PSMA1: variants seen among roughly 807,000 people sequenced by gnomAD.
The protein encoded by PSMA1 is proteasome subunit alpha type-1.
Under a neutral mutation model 38.4 loss-of-function variants are expected in PSMA1, and 3 were observed. The ratio of observed to expected loss-of-function variants is 0.08; its 90% confidence interval spans 0.04 to 0.20. The LOEUF (loss-of-function observed/expected upper bound fraction) is 0.20, where lower values mean the gene tolerates loss of function less well. PSMA1 is among the 10% of genes least tolerant of loss of function. The pLI, the probability that PSMA1 is intolerant of heterozygous loss-of-function variation, is 1.00. For missense variants in PSMA1, 227 were observed against 325.3 expected (o/e 0.70, Z 2.32); for synonymous variants, 101 against 107.1 (o/e 0.94, Z 0.35).
chr11:14,610,592 T>C (rs1852697747), intron 2 of PSMA1, among the ~76,000 whole-genome samples: 2 of 152,220 alleles, frequency 1.3e-5, no homozygotes, highest in South Asian at 2.1e-4. Context: ...TCACAAGCCT[T>C]GAGTGGCATT....
At chr11:14,574,121 C>T (rs889500437) in intron 2 of PSMA1, among the ~76,000 whole-genome samples, 3 of 152,104 alleles carry the variant, frequency 2.0e-5, no homozygotes, top group African/African-American at 7.2e-5. Flanking sequence ...AAAAGAAACA[C>T]CCATTTTCAG....
chr11:14,563,155 G>A lies in PSMA1; in HGVS notation c.22-44114C>T, dbSNP rs143190718. On this transcript the variant is annotated intron_variant, in intron 2 of 10. Transcript: ENST00000418988. ...ATTTGGAGATGGGATTGCTTTTTAC[G>A]CTTTTATTCCTGGCTATTGATTGTA... is the stretch of plus-strand genomic sequence containing the variant. Among the ~76,000 whole-genome samples, 177 of 152,186 alleles carry A rather than the reference G, an allele frequency of 1.2e-3. 1 individual carries two copies. Among genetic ancestry groups the A allele is most frequent in the African/African-American group, 4.1e-3 (170 of 41,544 alleles).
chr11:14,530,392 C>G (rs372987397), intron 2 of PSMA1, among the ~76,000 whole-genome samples: 2 of 152,170 alleles, frequency 1.3e-5, no homozygotes, highest in African/African-American at 4.8e-5. Flanking sequence ...TTATAAAATA[C>G]GAGAATATTG....
intron 7 of PSMA1, among the ~76,000 whole-genome samples, chr11:14,512,945 T>C (rs561444028): frequency 6.6e-6 from 1 of 152,352 alleles, no homozygotes; most frequent in African/African-American, 2.4e-5. Context: ...CAAGTTTGCT[T>C]TGAGTAATGT....
rs541055307 is a variant in PSMA1 at position 14,603,007 on chromosome 11, A to C, written c.21+7959T>G. On this transcript the variant is annotated intron_variant, in intron 2 of 10. Transcript: ENST00000418988. The stretch of plus-strand genomic sequence containing the variant: ...GTGGGGGTTTGATGTGGGGGCTTCC[A>C]ATGTACCCATGAAAGCAACTGTGAG... 5.9e-5 allele frequency among the ~76,000 whole-genome samples: 9 copies of C among 152,338 alleles called. No individual in the cohort carries two copies. In the South Asian group the frequency reaches 1.7e-3, roughly 28 times the overall value.
intron 2 of PSMA1, among the ~76,000 whole-genome samples, chr11:14,536,763 C>T (rs1344871526): frequency 6.6e-6 from 1 of 152,040 alleles, no homozygotes; most frequent in Non-Finnish European, 1.5e-5. Flanking sequence ...AGGCGCCCGC[C>T]ACCACGCCAG....
intron 2 of PSMA1, among the ~76,000 whole-genome samples, chr11:14,592,466 AG>A (rs1852435205): frequency 6.6e-6 from 1 of 151,016 alleles, no homozygotes; most frequent in Non-Finnish European, 1.5e-5. Context: ...GCTCACTGCA[AG>A]CTCCACCTCC....
At chr11:14,519,181 T>G (rs746175361) in intron 1 of PSMA1, 140 bp from the exon 2 acceptor site, 4 of 738,204 alleles carry the variant, frequency 5.4e-6, no homozygotes, top group African/African-American at 1.7e-5. Flanking sequence ...AGATTACTAC[T>G]GTACTCAGAT....
chr11:14,561,818 ACT>A (rs1258495927), intron 2 of PSMA1, among the ~76,000 whole-genome samples: 2 of 56,328 alleles, frequency 3.6e-5, no homozygotes, highest in Non-Finnish European at 1.1e-4. Flanking sequence ...ATTAAACTAA[ACT>A]AAACTAAACT....
intron 2 of PSMA1, among the ~76,000 whole-genome samples, chr11:14,566,191 G>T (rs1056149602): frequency 6.6e-6 from 1 of 152,168 alleles, no homozygotes; most frequent in African/African-American, 2.4e-5. Context: ...ACAAAGGAAT[G>T]ACATGATATG....
intron 1 of PSMA1, among the ~76,000 whole-genome samples, chr11:14,633,471 C>T (rs1395310293): frequency 6.6e-6 from 1 of 151,960 alleles, no homozygotes; most frequent in African/African-American, 2.4e-5. Flanking sequence ...GTCAGGGACC[C>T]ACTTGAGGAG....
At chr11:14,533,343 C>T (rs1468046559) in intron 2 of PSMA1, among the ~76,000 whole-genome samples, 1 of 152,198 alleles carries the variant, frequency 6.6e-6, no homozygotes, top group African/African-American at 2.4e-5. Flanking sequence ...GTGCCATCTT[C>T]ACTTCAGACT....
At chr11:14,569,973 G>A (rs1852118799) in intron 2 of PSMA1, among the ~76,000 whole-genome samples, 2 of 152,222 alleles carry the variant, frequency 1.3e-5, no homozygotes, top group Admixed American at 1.3e-4. Flanking sequence ...GGGGCCAACT[G>A]ACACCTCATA....
intron 2 of PSMA1, among the ~76,000 whole-genome samples, chr11:14,582,684 A>ATT (rs71044011): frequency 0.061 from 8,534 of 138,780 alleles, 358 homozygotes; most frequent in East Asian, 0.17. Flanking sequence ...GGCCCAGCTA[A>ATT]TTTTTTTTTT....
intron 1 of PSMA1, among the ~76,000 whole-genome samples, chr11:14,617,149 A>C (rs1303065538): frequency 1.3e-5 from 2 of 152,150 alleles, no homozygotes; most frequent in Admixed American, 1.3e-4. Flanking sequence ...TTCTTTTTTC[A>C]TACTAATCAA....
At chr11:14,514,566 C>T (rs967363001) in intron 4 of PSMA1, 75 bp from the exon 5 acceptor site, 48 of 1,118,786 alleles carry the variant, frequency 4.3e-5, no homozygotes, top group Non-Finnish European at 5.8e-5. Context: ...TTTGATTTCA[C>T]TTCAAATTCT....
intron 2 of PSMA1, among the ~76,000 whole-genome samples, chr11:14,568,047 C>G (rs944565118): frequency 6.6e-6 from 1 of 152,188 alleles, no homozygotes; most frequent in Non-Finnish European, 1.5e-5. Context: ...GAAAATGTGA[C>G]CAGAGGCTTG....
chr11:14,584,732 C>T (rs2134185212), intron 2 of PSMA1, among the ~76,000 whole-genome samples: 1 of 152,204 alleles, frequency 6.6e-6, no homozygotes, highest in Middle Eastern at 3.4e-3. Context: ...GCTTTTAGTC[C>T]CGCAGTTTTC....
intron 2 of PSMA1, among the ~76,000 whole-genome samples, chr11:14,562,746 T>G (rs915768331): frequency 6.6e-6 from 1 of 151,844 alleles, no homozygotes; most frequent in South Asian, 2.1e-4. Flanking sequence ...CATCCCAGCC[T>G]CCCGAGTAGC....
Sources: allele counts gnomAD v4.1 joint callset (sites outside exome capture counted in the v4.1 genomes callset), GRCh38; gene constraint gnomAD v4.1.1; transcripts MANE v1.5; gene names NCBI Gene and HGNC (gene_info 2026-07-23, HGNC 2026-07-21).